NFIA: variants seen among roughly 807,000 people sequenced by gnomAD.
NFIA encodes the protein nuclear factor I A, also known as nuclear factor 1 A-type.
In NFIA, 8 loss-of-function variants were observed where a neutral mutation model predicts 62.8. The observed-to-expected ratio is 0.13, with a 90% confidence interval of 0.07 to 0.23. The LOEUF is 0.23. Ranked by LOEUF, NFIA falls within the 10% of genes least tolerant of loss-of-function variation. The pLI is 1.00. For missense variants in NFIA, 410 were observed against 642.1 expected (o/e 0.64, Z 3.91); for synonymous variants, 235 against 238.1 (o/e 0.99, Z 0.12).
chr1:61,091,235 T>G (rs559726291), intron 2 of NFIA, among the ~76,000 whole-genome samples: 1 of 152,342 alleles, frequency 6.6e-6, no homozygotes, highest in Non-Finnish European at 1.5e-5. Context: ...CTTTTCCTTC[T>G]GAAATTTGTG....
chr1:61,176,320 T>C (rs1053417271), intron 2 of NFIA, among the ~76,000 whole-genome samples: 2 of 152,218 alleles, frequency 1.3e-5, no homozygotes, highest in Non-Finnish European at 2.9e-5. Flanking sequence ...TGCTGTCATT[T>C]TAAGTTGGGG....
chr1:61,315,197 A>C (rs1465649022), intron 3 of NFIA, among the ~76,000 whole-genome samples: 2 of 152,218 alleles, frequency 1.3e-5, no homozygotes, highest in Admixed American at 6.5e-5. Flanking sequence ...GAAGGGCTCC[A>C]TGTTCAAATT....
At chr1:61,161,754 C>T (rs898326147) in intron 2 of NFIA, among the ~76,000 whole-genome samples, 1 of 152,186 alleles carries the variant, frequency 6.6e-6, no homozygotes, top group African/African-American at 2.4e-5. Context: ...TATACACACA[C>T]ACACACCCCT....
intron 3 of NFIA, among the ~76,000 whole-genome samples, chr1:61,305,568 G>A (rs1473199248): frequency 6.6e-6 from 1 of 152,196 alleles, no homozygotes; most frequent in Non-Finnish European, 1.5e-5. Context: ...CTGTTAGGCA[G>A]ATAAACTGAG....
intron 10 of NFIA, among the ~76,000 whole-genome samples, chr1:61,437,649 A>G (rs1667390451): frequency 6.6e-6 from 1 of 152,240 alleles, no homozygotes; most frequent in Non-Finnish European, 1.5e-5. Context: ...CGATGAAGTA[A>G]TTGAAATAGG....
At chr1:61,188,412 C>T (rs1286942450) in intron 2 of NFIA, among the ~76,000 whole-genome samples, 1 of 152,066 alleles carries the variant, frequency 6.6e-6, no homozygotes, top group Non-Finnish European at 1.5e-5. Context: ...ATGCTGGGAA[C>T]CAATAACAAG....
At chr1:61,096,061 G>A (rs2100427072) in intron 2 of NFIA, among the ~76,000 whole-genome samples, 1 of 152,122 alleles carries the variant, frequency 6.6e-6, no homozygotes, top group African/African-American at 2.4e-5. Context: ...TTATGGCTGT[G>A]TGTGTAATTA....
chr1:61,154,412 T>C (rs909621737), intron 2 of NFIA, among the ~76,000 whole-genome samples: 2 of 152,166 alleles, frequency 1.3e-5, no homozygotes, highest in Non-Finnish European at 2.9e-5. Context: ...CGCCTTGGCC[T>C]CCCAAAGTGC....
At chr1:61,179,510 A>G (rs1383639262) in intron 2 of NFIA, among the ~76,000 whole-genome samples, 1 of 152,226 alleles carries the variant, frequency 6.6e-6, no homozygotes, top group Non-Finnish European at 1.5e-5. Flanking sequence ...TTTGTAAATG[A>G]TAAAGCGACA....
At chr1:61,335,972 A>G (rs187317764) in intron 4 of NFIA, among the ~76,000 whole-genome samples, 282 of 152,344 alleles carry the variant, frequency 1.9e-3, no homozygotes, top group Middle Eastern at 0.01. Context: ...TATACCATGT[A>G]CCAGGCATTG....
chr1:61,138,642 A>G (rs1647272780), intron 2 of NFIA, among the ~76,000 whole-genome samples: 1 of 151,862 alleles, frequency 6.6e-6, no homozygotes, highest in Non-Finnish European at 1.5e-5. Flanking sequence ...GTGCGGTGGT[A>G]CAATCTCAGC....
rs11207742 is a variant in NFIA at position 61,459,514 on chromosome 1, G to A, written c.*4194G>A. The A allele has an allele frequency of 0.13, 19,245 of 152,270 alleles. 3,182 individuals carry two copies. The highest frequency in any genetic ancestry group is 0.38 in the African/African-American group (15,896 of 41,424). The allele number at this position is 152,270 out of a possible 1,614,324, so 9.4% of individuals were successfully genotyped here. A position where few individuals can be genotyped will look rare whatever the true frequency, so the allele number is the denominator to read the frequency against. ...TCACACCCTGGCATGACAGTTACGT[G>A]TGGTCAGCCCGCTCCCCAGGCCCGT... On this transcript the variant is annotated 3_prime_UTR_variant, in exon 11 of 11. Coordinates refer to ENST00000403491, the MANE Select transcript of NFIA (RefSeq NM_001134673.4).
At chr1:61,147,301 C>G (rs1337540640) in intron 2 of NFIA, among the ~76,000 whole-genome samples, 3 of 152,166 alleles carry the variant, frequency 2.0e-5, no homozygotes, top group African/African-American at 7.2e-5. Context: ...CAGGTGGGCA[C>G]CACCATGCCT....
At position 61,387,594 on chromosome 1, in the gene NFIA, C is replaced by T. The variant is rs550710839; in HGVS notation, c.1075+4229C>T. ...CTTAAGCTCCTGCTGCCTTTCATGTCTGCACATTGACTCCACCAACCTCAT... is the reference window on the plus strand; with the variant it reads ...CTTAAGCTCCTGCTGCCTTTCATGTTTGCACATTGACTCCACCAACCTCAT... On this transcript the variant is annotated intron_variant, in intron 7 of 10. Transcript: ENST00000403491. Among the ~76,000 whole-genome samples, 5 of 150,592 alleles carry T rather than the reference C, an allele frequency of 3.3e-5. No individual in the cohort carries two copies. The South Asian group carries it at 8.4e-4, about 25-fold the overall frequency.
At chr1:61,328,519 C>A (rs551816202) in intron 3 of NFIA, among the ~76,000 whole-genome samples, 5 of 151,964 alleles carry the variant, frequency 3.3e-5, no homozygotes, top group African/African-American at 1.2e-4. Flanking sequence ...CTTCCCCGTT[C>A]AAGTGATTCT....
At chr1:61,452,654 A>G (rs1189555954) in intron 10 of NFIA, among the ~76,000 whole-genome samples, 1 of 152,184 alleles carries the variant, frequency 6.6e-6, no homozygotes, top group Non-Finnish European at 1.5e-5. Flanking sequence ...ATCATTGCTA[A>G]AATCATCTCA....
At chr1:61,312,353 A>G (rs139004555) in intron 3 of NFIA, among the ~76,000 whole-genome samples, 6 of 152,314 alleles carry the variant, frequency 3.9e-5, no homozygotes, top group Middle Eastern at 3.4e-3. Context: ...AACACAGATA[A>G]CAACATTGCT....
At chr1:61,453,504 A>G (rs1386294421) in intron 10 of NFIA, among the ~76,000 whole-genome samples, 1 of 123,262 alleles carries the variant, frequency 8.1e-6, no homozygotes, top group Non-Finnish European at 1.6e-5. Context: ...GGCACTGCAG[A>G]TTTTTGTAGT....
chr1:61,221,716 T>G (rs528333225), intron 2 of NFIA, among the ~76,000 whole-genome samples: 1 of 152,276 alleles, frequency 6.6e-6, no homozygotes, highest in African/African-American at 2.4e-5. Flanking sequence ...ACTTGATTAT[T>G]CTTTTCTCAA....
Sources: gnomAD v4.1 joint callset for allele counts (sites outside exome capture counted in the v4.1 genomes callset) on GRCh38, gnomAD v4.1.1 for gene constraint, MANE v1.5 for transcripts, NCBI Gene and HGNC (gene_info 2026-07-23, HGNC 2026-07-21) for gene names.